SLC12A6: variants seen among roughly 807,000 people sequenced by gnomAD.
The protein encoded by SLC12A6 is K-Cl cotransporter 3.
In SLC12A6, 66 loss-of-function variants were observed where a neutral mutation model predicts 135.3. The ratio of observed to expected loss-of-function variants is 0.49; its 90% CI spans 0.40 to 0.60. The LOEUF (loss-of-function observed/expected upper bound fraction) is 0.60, where lower values mean the gene tolerates loss of function less well. Ranked by LOEUF, SLC12A6 falls within the 20% of genes least tolerant of loss-of-function variation. The pLI is 0.00. For missense variants in SLC12A6, 1,058 were observed against 1,452.3 expected (o/e 0.73, Z 4.41); for synonymous variants, 513 against 508.8 (o/e 1.01, Z -0.11).
Position 34,254,348 on chromosome 15 carries a change from G to C in SLC12A6, c.1118C>G (p.Pro373Arg), listed in dbSNP as rs368994065. 8 of 1,612,770 alleles carry C rather than the reference G, an allele frequency of 5.0e-6. No homozygotes were observed. The highest frequency in any genetic ancestry group is 3.3e-5 in the Admixed American group (2 of 60,012). ...GCTAGGCAGAGAGACAGACACGTAC[G>C]GGAAGTGTGGAGGAGCAAAAGAAGA... ...IKSSFAPPHF[P>R]VCMLGNRTLS... Residue 373 changes from proline to arginine, a missense_variant and splice_region_variant, in exon 9 of 26, where the codon CCG (proline) becomes CGG (arginine). By Grantham distance (103) the Pro-to-Arg change is moderately radical. This residue lies in a region of SLC12A6 where 297 missense variants were observed against 318.5 expected (regional missense o/e 0.93). Coordinates refer to ENST00000354181, the MANE Select transcript of SLC12A6 (RefSeq NM_001365088.1).
At chr15:34,326,120 T>C (rs1178790306) in intron 2 of SLC12A6, among the ~76,000 whole-genome samples, 1 of 152,204 alleles carries the variant, frequency 6.6e-6, no homozygotes, top group Non-Finnish European at 1.5e-5. Flanking sequence ...GAGTCCTCAG[T>C]TGCCACTGTT....
At chr15:34,335,711 G>A (rs1421878282) in intron 2 of SLC12A6, among the ~76,000 whole-genome samples, 1 of 152,150 alleles carries the variant, frequency 6.6e-6, no homozygotes, top group Non-Finnish European at 1.5e-5. Flanking sequence ...GTCTGTAGCA[G>A]TCAACATGAG....
intron 2 of SLC12A6, among the ~76,000 whole-genome samples, chr15:34,284,293 T>TC (rs1894896352): frequency 6.9e-6 from 1 of 143,988 alleles, no homozygotes; most frequent in Non-Finnish European, 1.5e-5. Context: ...TTTTTTTTTT[T>TC]TTTTTTTGAG....
chr15:34,258,359 T>C (rs949916476), intron 5 of SLC12A6, among the ~76,000 whole-genome samples: 1 of 152,214 alleles, frequency 6.6e-6, no homozygotes, highest in Admixed American at 6.5e-5. Flanking sequence ...CAGATGGGTA[T>C]GGACACTCTT....
chr15:34,283,651 T>A (rs1007307221), intron 2 of SLC12A6, among the ~76,000 whole-genome samples: 6 of 151,986 alleles, frequency 3.9e-5, no homozygotes, highest in Non-Finnish European at 8.8e-5. Context: ...GTTTTTTTTT[T>A]AAAGAGGGTA....
chr15:34,321,831 A>G (rs773267559), intron 2 of SLC12A6, among the ~76,000 whole-genome samples: 4 of 152,248 alleles, frequency 2.6e-5, no homozygotes, highest in Non-Finnish European at 4.4e-5. Flanking sequence ...TCTCAAAAAC[A>G]TTACGGCTAG....
chr15:34,254,350 G>C lies in SLC12A6; in HGVS notation c.1116C>G (p.Phe372Leu). The C allele has an allele frequency of 6.2e-7, 1 of 1,613,044 alleles. No homozygotes were observed. The change falls in exon 9 of 26, where the codon TTC becomes TTG. Residue 372 changes from phenylalanine (F) to leucine (L), a missense_variant and splice_region_variant. By Grantham distance (22) the Phe-to-Leu change is conservative. This residue lies in a region of SLC12A6 where 297 missense variants were observed against 318.5 expected (regional missense o/e 0.93). Transcript: ENST00000354181. ...AIKSSFAPPH[F>L]PVCMLGNRTL... Reference sequence around the variant, plus strand: ...TAGGCAGAGAGACAGACACGTACGGGAAGTGTGGAGGAGCAAAAGAAGACT... The same window carrying C: ...TAGGCAGAGAGACAGACACGTACGGCAAGTGTGGAGGAGCAAAAGAAGACT...
rs1050257131 is a variant in SLC12A6, at chr15:34,232,872, C to G, written c.*1009G>C. ...GTGCCCTTTAAAAGATGGTCCAGTG[C>G]TTTCAGGGAAGGATGTTTAGCCAGT... On this transcript the variant is annotated 3_prime_UTR_variant, in exon 26 of 26. Coordinates refer to ENST00000354181, the MANE Select transcript of SLC12A6 (RefSeq NM_001365088.1). 3 of 141,678 alleles carry G rather than the reference C, an allele frequency of 2.1e-5. No individual in the cohort carries two copies. Among genetic ancestry groups the G allele is most frequent in the Non-Finnish European group, 3.0e-5 (2 of 66,760 alleles). The allele number at this position is 141,678 out of a possible 1,614,324, so 8.8% of individuals were successfully genotyped here.
chr15:34,253,865 G>A (rs1396159187), intron 9 of SLC12A6, among the ~76,000 whole-genome samples: 1 of 152,312 alleles, frequency 6.6e-6, no homozygotes, highest in East Asian at 1.9e-4. Flanking sequence ...GAAGGAGGTG[G>A]TGAATGATGA....
At chr15:34,262,572 C>T (rs890967096) in intron 3 of SLC12A6, among the ~76,000 whole-genome samples, 5 of 152,156 alleles carry the variant, frequency 3.3e-5, no homozygotes, top group African/African-American at 4.8e-5. Flanking sequence ...CAGCAGCGGG[C>T]GGGAGCAGGG....
chr15:34,300,155 A>T (rs1896143184), intron 2 of SLC12A6, among the ~76,000 whole-genome samples: 1 of 152,208 alleles, frequency 6.6e-6, no homozygotes, highest in African/African-American at 2.4e-5. Flanking sequence ...GTTCTAGAGC[A>T]CAGGTGTATG....
intron 7 of SLC12A6, 36 bp from the exon 8 acceptor site, chr15:34,255,428 G>C (rs760082337): frequency 4.7e-6 from 7 of 1,488,072 alleles, no homozygotes; most frequent in African/African-American, 1.4e-5. Context: ...AGAAGAAAGA[G>C]TGTGTATTAG....
intron 6 of SLC12A6, 130 bp downstream of exon 6, chr15:34,257,512 T>A (rs1360609187): frequency 1.4e-6 from 1 of 738,100 alleles, no homozygotes; most frequent in East Asian, 2.6e-5. Flanking sequence ...AATATCAGAA[T>A]AATTTCTTCT....
chr15:34,247,547 A>AC (rs946045142), intron 13 of SLC12A6, among the ~76,000 whole-genome samples: 6 of 152,088 alleles, frequency 3.9e-5, no homozygotes, highest in Non-Finnish European at 8.8e-5. Flanking sequence ...GTGCAAAAAA[A>AC]CAACAAATGC....
intron 20 of SLC12A6, 158 bp downstream of exon 20, chr15:34,238,807 T>C (rs1891449670): frequency 2.7e-6 from 2 of 752,538 alleles, no homozygotes; most frequent in East Asian, 2.4e-5. Flanking sequence ...AGGGGGTAGG[T>C]AGAATCTGGG....
At chr15:34,310,405 C>T (rs1158089147) in intron 2 of SLC12A6, among the ~76,000 whole-genome samples, 1 of 106,772 alleles carries the variant, frequency 9.4e-6, no homozygotes, top group South Asian at 3.7e-4. Context: ...TGTTGAACTC[C>T]TGGGCTCAAG....
intron 2 of SLC12A6, among the ~76,000 whole-genome samples, chr15:34,322,657 G>A (rs2141138849): frequency 6.6e-6 from 1 of 151,854 alleles, no homozygotes; most frequent in African/African-American, 2.4e-5. Context: ...CACGATGAAA[G>A]TTTTTCAAGC....
intron 25 of SLC12A6, 64 bp from the exon 26 acceptor site, chr15:34,234,036 A>C: frequency 1.2e-6 from 1 of 834,438 alleles, no homozygotes; most frequent in South Asian, 1.3e-5. Context: ...GCATCATCAT[A>C]ATCTGAGGTT....
rs199625435 is a variant in SLC12A6, at chr15:34,233,834, C to A, written c.*47G>T. The A allele has an allele frequency of 1.9e-5, 19 of 978,754 alleles. No individual in the cohort carries two copies. The highest frequency in any genetic ancestry group is 3.4e-5 in the Admixed American group (2 of 59,070). The allele number at this position is 978,754 out of a possible 1,614,324, so 60.6% of individuals were successfully genotyped here. The stretch of plus-strand genomic sequence containing the variant: ...AATGAGCTGGCACTTCCATGGAGGA[C>A]GTAGGCCTTTTAAGAAAACAGGTCA... On this transcript the variant is annotated 3_prime_UTR_variant, in exon 26 of 26. Coordinates refer to ENST00000354181, the MANE Select transcript of SLC12A6 (RefSeq NM_001365088.1).
Sources: gnomAD v4.1 joint callset for allele counts (sites outside exome capture counted in the v4.1 genomes callset) on GRCh38, gnomAD v4.1.1 for gene constraint, gnomAD v4.1.1 regional missense constraint, MANE v1.5 for transcripts, NCBI Gene and HGNC (gene_info 2026-07-23, HGNC 2026-07-21) for gene names.